ZNF567: variants seen among roughly 807,000 people sequenced by gnomAD.
ZNF567 encodes the protein zinc finger protein 567.
Under a neutral mutation model 53.9 loss-of-function variants are expected in ZNF567, and 36 were observed. That is an observed-to-expected ratio of 0.67 (90% CI 0.51 to 0.88). The LOEUF (loss-of-function observed/expected upper bound fraction) is 0.88. ZNF567 is among the 40% of genes least tolerant of loss of function. The pLI is 0.00. For missense variants in ZNF567, 619 were observed against 764.7 expected, an observed-to-expected ratio of 0.81 and a Z score of 2.25; for synonymous variants, 224 against 260.4, an observed-to-expected ratio of 0.86 and a Z score of 1.35.
chr19:36,699,511 T>G (rs373984656), intron 3 of ZNF567, among the ~76,000 whole-genome samples: 9 of 152,140 alleles, frequency 5.9e-5, no homozygotes, highest in South Asian at 2.1e-4. Flanking sequence ...ATTACCTTGG[T>G]CAGTATGGCC....
chr19:36,681,483 G>A, the ZNF567 span, among the ~76,000 whole-genome samples: 1 of 152,162 alleles, frequency 6.6e-6, no homozygotes, highest in African/African-American at 2.4e-5. Flanking sequence ...AGGCTGGAGT[G>A]CAGTGGTGCA....
At chr19:36,667,811 G>A in the ZNF567 span, among the ~76,000 whole-genome samples, 9 of 151,440 alleles carry the variant, frequency 5.9e-5, no homozygotes, top group Admixed American at 5.3e-4. Context: ...CACCTCGCCC[G>A]GCTAATTTTT....
intron 5 of ZNF567, among the ~76,000 whole-genome samples, chr19:36,715,065 G>A (rs1282192726): frequency 6.6e-6 from 1 of 152,018 alleles, no homozygotes. Flanking sequence ...TTCATCAGGC[G>A]TACTACAGTC....
At chr19:36,707,717 A>T (rs752809278) in intron 3 of ZNF567, among the ~76,000 whole-genome samples, 50 of 152,074 alleles carry the variant, frequency 3.3e-4, no homozygotes, top group Non-Finnish European at 6.9e-4. Context: ...AGCTGGGATT[A>T]CAGGCACCTG....
intron 3 of ZNF567, among the ~76,000 whole-genome samples, chr19:36,706,173 C>A (rs934257742): frequency 5.9e-5 from 9 of 152,180 alleles, no homozygotes; most frequent in African/African-American, 1.4e-4. Flanking sequence ...CCACATGCTA[C>A]GTGAAGCCCC....
At chr19:36,667,049 C>T in the ZNF567 span, among the ~76,000 whole-genome samples, 1 of 152,188 alleles carries the variant, frequency 6.6e-6, no homozygotes, top group South Asian at 2.1e-4. Context: ...GCCCCGAACC[C>T]CTCAAGGCGG....
At chr19:36,677,574 A>G in the ZNF567 span, among the ~76,000 whole-genome samples, 2 of 151,302 alleles carry the variant, frequency 1.3e-5, no homozygotes, top group African/African-American at 4.9e-5. Context: ...CGAGACCAGC[A>G]TGGCCAACAT....
intron 3 of ZNF567, among the ~76,000 whole-genome samples, chr19:36,704,260 A>G (rs1205269107): frequency 1.3e-5 from 2 of 152,054 alleles, no homozygotes; most frequent in African/African-American, 4.8e-5. Flanking sequence ...GCAACATACA[A>G]AAATACAAAA....
At chr19:36,668,283 T>C in the ZNF567 span, 1 of 152,342 alleles carries the variant, frequency 6.6e-6, no homozygotes, top group East Asian at 1.9e-4. Flanking sequence ...ATGGCTGTTC[T>C]ATATGCCCGC....
chr19:36,714,123 T>G (rs3108575), intron 5 of ZNF567, among the ~76,000 whole-genome samples: 1 of 151,838 alleles, frequency 6.6e-6, no homozygotes, highest in African/African-American at 2.4e-5. Flanking sequence ...TGATAAGTTT[T>G]GTCAGGAAAG....
chr19:36,716,606 A>C (rs1217822297), intron 5 of ZNF567, among the ~76,000 whole-genome samples: 3 of 152,192 alleles, frequency 2.0e-5, no homozygotes, highest in African/African-American at 7.2e-5. Flanking sequence ...TCCCTTTTGA[A>C]CCTTCATTAC....
intron 3 of ZNF567, among the ~76,000 whole-genome samples, chr19:36,708,625 T>C (rs915093089): frequency 6.6e-6 from 1 of 152,202 alleles, no homozygotes; most frequent in Non-Finnish European, 1.5e-5. Context: ...GCTCTGCCTA[T>C]TTATCCCTCC....
the ZNF567 span, among the ~76,000 whole-genome samples, chr19:36,680,748 G>A: frequency 9.2e-5 from 14 of 152,090 alleles, no homozygotes; most frequent in African/African-American, 3.4e-4. Context: ...TTTTTCTGGT[G>A]GCTGTAGCCA....
intron 3 of ZNF567, among the ~76,000 whole-genome samples, chr19:36,709,315 T>C (rs998858387): frequency 4.6e-5 from 7 of 152,214 alleles, no homozygotes; most frequent in Admixed American, 3.9e-4. Flanking sequence ...GTTGCTTTCA[T>C]GCTAAAATAG....
upstream of ZNF567, chr19:36,686,710 A>G (rs768753883): frequency 2.0e-5 from 3 of 152,164 alleles, no homozygotes; most frequent in Non-Finnish European, 4.4e-5. Flanking sequence ...CGTTCCGAAA[A>G]CAGGTCTGTC....
In ZNF567 at chr19:36,712,863, C is replaced by T. The variant is rs370610579; in HGVS notation, c.219C>T (p.Cys73=). 6.2e-7 allele frequency: 1 copy of T among 1,612,834 alleles called. No individual in the cohort carries two copies. Among genetic ancestry groups the T allele is most frequent in the Non-Finnish European group, 8.5e-7 (1 of 1,179,318 alleles). The change falls in exon 5 of 6, where the codon TGC becomes TGT. Residue 73 remains cysteine, a synonymous_variant. Coordinates refer to ENST00000682579, the MANE Select transcript of ZNF567 (RefSeq NM_001322917.1). Reference sequence around the variant, plus strand: ...GGACATCATTTGCAGGTCATACCTGCTTGGGTGAGTTTCTGGCTCTTAGGC... The same window carrying T: ...GGACATCATTTGCAGGTCATACCTGTTTGGGTGAGTTTCTGGCTCTTAGGC... ...EPWTSFAGHT[C]LEENWKAEDF...
At chr19:36,693,777 G>T (rs1298816648) in intron 2 of ZNF567, among the ~76,000 whole-genome samples, 1 of 152,126 alleles carries the variant, frequency 6.6e-6, no homozygotes, top group African/African-American at 2.4e-5. Flanking sequence ...ATGTGATAAA[G>T]ATGGCAGTTT....
chr19:36,703,698 A>G, intron 3 of ZNF567: 1 of 164,012 alleles, frequency 6.1e-6, no homozygotes, highest in Non-Finnish European at 1.3e-5. Flanking sequence ...TGTGCTAGCA[A>G]TCAGCGAGAC....
intron 2 of ZNF567, among the ~76,000 whole-genome samples, chr19:36,690,553 T>G (rs1208143271): frequency 6.6e-6 from 1 of 152,184 alleles, no homozygotes; most frequent in African/African-American, 2.4e-5. Context: ...ATCACACCAC[T>G]GCACTCCAGC....
Sources: allele counts gnomAD v4.1 joint callset (sites outside exome capture counted in the v4.1 genomes callset), GRCh38; gene constraint gnomAD v4.1.1; transcripts MANE v1.5; gene names NCBI Gene and HGNC (gene_info 2026-07-23, HGNC 2026-07-21).